Variants in MTMR8 observed in about 807,000 individuals in gnomAD.
The protein encoded by MTMR8 is myotubularin related protein 8, also known as phosphatidylinositol-3,5-bisphosphate 3-phosphatase MTMR8.
A neutral mutation model predicts 39.3 loss-of-function variants in MTMR8; 65 were observed. That is an observed-to-expected ratio of 1.65 (90% CI 1.35 to 2.03). The LOEUF is 2.03. Among genes scored for constraint, MTMR8 ranks in the 30% most tolerant of loss-of-function variants. MTMR8 has a pLI of 0.00. For synonymous variants in MTMR8, 245 were observed against 185.2 expected, an observed-to-expected ratio of 1.32 and a Z score of -2.62; for missense variants, 777 against 538.9, an observed-to-expected ratio of 1.44 and a Z score of -4.37.
At chrX:64,322,597 C>A (rs767124222) in intron 12 of MTMR8, among the ~76,000 whole-genome samples, 1 of 111,905 alleles carries the variant, frequency 8.9e-6, no homozygotes, top group Non-Finnish European at 1.9e-5. Flanking sequence ...ACACCTTTCC[C>A]TCACCAAAAC....
Position 64,301,578 on chromosome X carries a change from G to T in MTMR8, c.1481+27194C>A, listed in dbSNP as rs1298505880. On this transcript the variant is annotated intron_variant, in intron 12 of 13. Transcript: ENST00000374852. ...ATCTGAAGCCTTCTTCTCTCAGCTC[G>T]TCAAAGTCATTCTCCATCCAGCTTT... is the stretch of plus-strand genomic sequence containing the variant. 5.4e-5 allele frequency among the ~76,000 whole-genome samples: 6 copies of T among 111,998 alleles called. No homozygotes were observed. The East Asian group carries it at 1.4e-3, about 26-fold the overall frequency.
At chrX:64,380,568 G>A (rs777797035) in intron 1 of MTMR8, among the ~76,000 whole-genome samples, 6 of 112,304 alleles carry the variant, frequency 5.3e-5, no homozygotes, top group Admixed American at 9.4e-5. Context: ...AAAAATTAAG[G>A]ACATGGAAAA....
intron 12 of MTMR8, among the ~76,000 whole-genome samples, chrX:64,326,127 G>A (rs960135461): frequency 9.0e-6 from 1 of 111,420 alleles, no homozygotes; most frequent in African/African-American, 3.3e-5. Context: ...TAATTAAGGG[G>A]ACATGGATCA....
intron 4 of MTMR8, among the ~76,000 whole-genome samples, chrX:64,350,930 A>G (rs1269863296): frequency 1.8e-5 from 2 of 111,832 alleles, no homozygotes; most frequent in Non-Finnish European, 3.8e-5. Flanking sequence ...ACAACAGATG[A>G]AACAAATATA....
rs757016588 is a variant in MTMR8 at position 64,384,456 on chromosome X, AG to A, written c.24+10883del. On this transcript the variant is annotated intron_variant, in intron 1 of 13. Transcript: ENST00000374852. ...CTACATTTCTCCTCTATACTGCCCT[AG>A]TAGAGGTTCTCTGTGAGGGCTCTGC... 2.4e-3 allele frequency among the ~76,000 whole-genome samples: 264 copies of A among 111,650 alleles called. 1 individual carries two copies. The highest frequency in any genetic ancestry group is 8.1e-3 in the African/African-American group (249 of 30,744).
intron 12 of MTMR8, among the ~76,000 whole-genome samples, chrX:64,312,484 C>T (rs747803470): frequency 8.9e-6 from 1 of 112,139 alleles, no homozygotes; most frequent in South Asian, 3.7e-4. Context: ...CCAGGGCAAT[C>T]AGGCAAGAGA....
At position 64,268,559 on chromosome X, in the gene MTMR8, G is replaced by C. The variant is rs148642933; in HGVS notation, c.2093C>G (p.Ala698Gly). Residue 698 changes from alanine (A) to glycine (G), a missense_variant, in exon 14 of 14, where the codon GCA becomes GGA. Physicochemically the swap from Ala to Gly is moderately conservative, Grantham distance 60 (BLOSUM62 0). Transcript: ENST00000374852. Reference protein sequence around the residue: ...TGISKASTKEADYSKHQ With the variant: ...TGISKASTKEGDYSKHQ ...AACTCACTGATGCTTGGAGTAGTCTGCCTCCTTGGTGCTGGCCTTGGAGAT... is the reference window on the plus strand; with the variant it reads ...AACTCACTGATGCTTGGAGTAGTCTCCCTCCTTGGTGCTGGCCTTGGAGAT... 523 of 1,206,276 alleles carry C rather than the reference G, an allele frequency of 4.3e-4. No homozygotes were observed. Among genetic ancestry groups the C allele is most frequent in the Middle Eastern group, 2.6e-3 (11 of 4,298 alleles).
At chrX:64,275,414 G>A (rs370003534) in intron 12 of MTMR8, among the ~76,000 whole-genome samples, 1 of 109,763 alleles carries the variant, frequency 9.1e-6, no homozygotes, top group Non-Finnish European at 1.9e-5. Context: ...TAAGAGGTGG[G>A]GCCAGGTGCA....
chrX:64,300,793 A>C (rs1207142543), intron 12 of MTMR8, among the ~76,000 whole-genome samples: 2 of 105,489 alleles, frequency 1.9e-5, no homozygotes, highest in South Asian at 4.6e-4. Flanking sequence ...ATCTCTCAGC[A>C]TTTGCTTGTC....
At chrX:64,308,805 T>G (rs1922208594) in intron 12 of MTMR8, among the ~76,000 whole-genome samples, 1 of 111,701 alleles carries the variant, frequency 9.0e-6, no homozygotes, top group Admixed American at 9.5e-5. Context: ...TCAATTTTTT[T>G]CTTTTTTAAT....
At chrX:64,316,646 T>C (rs1922473701) in intron 12 of MTMR8, among the ~76,000 whole-genome samples, 1 of 111,464 alleles carries the variant, frequency 9.0e-6, no homozygotes, top group African/African-American at 3.3e-5. Context: ...AGGCCCAGTC[T>C]CAAAAAAAGA....
chrX:64,348,501 G>T (rs957040134), intron 6 of MTMR8, among the ~76,000 whole-genome samples, 159 bp downstream of exon 6: 1 of 111,826 alleles, frequency 8.9e-6, no homozygotes, highest in African/African-American at 3.3e-5. Flanking sequence ...CTTATAAAAG[G>T]AGCCCCAAAT....
intron 12 of MTMR8, among the ~76,000 whole-genome samples, chrX:64,311,307 G>A (rs1406282964): frequency 9.0e-6 from 1 of 111,669 alleles, no homozygotes; most frequent in African/African-American, 3.3e-5. Flanking sequence ...CTTTTGAGAC[G>A]TGTCTGTTCA....
chrX:64,291,114 C>T (rs1178138853), intron 12 of MTMR8, among the ~76,000 whole-genome samples: 1 of 111,583 alleles, frequency 9.0e-6, no homozygotes, highest in Non-Finnish European at 1.9e-5. Context: ...GTAGCCTCTG[C>T]ATATGGACCT....
intron 12 of MTMR8, among the ~76,000 whole-genome samples, chrX:64,293,478 T>C (rs1035800553): frequency 9.0e-6 from 1 of 111,205 alleles, no homozygotes; most frequent in African/African-American, 3.3e-5. Context: ...CTCTCATACA[T>C]TGGTGAAGCA....
intron 12 of MTMR8, among the ~76,000 whole-genome samples, chrX:64,314,783 G>A (rs1012391214): frequency 5.3e-5 from 6 of 112,292 alleles, no homozygotes; most frequent in Non-Finnish European, 9.4e-5. Flanking sequence ...TGTGGGTATC[G>A]AGTGGGTGGG....
chrX:64,304,873 T>C lies in MTMR8; in HGVS notation c.1481+23899A>G, dbSNP rs1227129416. On this transcript the variant is annotated intron_variant, in intron 12 of 13. Transcript: ENST00000374852. ...TGGATCAAACATTTATATATATATA[T>C]ATATATATATATATATATATATATA... 9.9e-5 allele frequency among the ~76,000 whole-genome samples: 4 copies of C among 40,356 alleles called. No individual in the cohort carries two copies. In the African/African-American group the frequency reaches 2.0e-3, roughly 20 times the overall value. 35.0% of individuals were successfully genotyped at this position (40,356 alleles called of 115,157 possible).
intron 1 of MTMR8, among the ~76,000 whole-genome samples, chrX:64,360,928 A>G (rs1224080452): frequency 9.0e-6 from 1 of 111,537 alleles, no homozygotes; most frequent in African/African-American, 3.2e-5. Flanking sequence ...AAGCACAGAA[A>G]TTTAAAACCA....
Position 64,323,202 on chromosome X carries a change from C to T in MTMR8, c.1481+5570G>A, listed in dbSNP as rs181024554. On this transcript the variant is annotated intron_variant, in intron 12 of 13. Transcript: ENST00000374852. ...GGGTACCTGCTCAGAGTGACAGGTA[C>T]ACTGAAAGTGAAGAGATGGAAAATG... 5.6e-3 allele frequency among the ~76,000 whole-genome samples: 630 copies of T among 112,295 alleles called. 4 individuals are homozygous for T. Among genetic ancestry groups the T allele is most frequent in the Admixed American group, 9.0e-3 (96 of 10,690 alleles).
Sources: allele counts gnomAD v4.1 joint callset (sites outside exome capture counted in the v4.1 genomes callset), GRCh38; gene constraint gnomAD v4.1.1; transcripts MANE v1.5; gene names NCBI Gene and HGNC (gene_info 2026-07-23, HGNC 2026-07-21).